Variants in SNORC observed in about 807,000 individuals in gnomAD.
SNORC encodes secondary ossification center associated regulator of chondrocyte maturation.
In SNORC, 11 loss-of-function variants were observed where a neutral mutation model predicts 9.7. That is an observed-to-expected ratio of 1.14 (90% CI 0.72 to 1.88). The LOEUF (loss-of-function observed/expected upper bound fraction) is 1.88, where lower values mean the gene tolerates loss of function less well. Ranked by LOEUF, SNORC falls within the 40% of genes most tolerant of loss-of-function variation. The probability of loss-of-function intolerance (pLI) is 0.00; values close to 1 mark genes in which losing one functional copy is unlikely to be tolerated. For missense variants in SNORC, 197 were observed against 173.1 expected, an observed-to-expected ratio of 1.14 and a Z score of -0.77; for synonymous variants, 108 against 88.7, an observed-to-expected ratio of 1.22 and a Z score of -1.22.
chr2:232,869,402 G>T (rs1690940939), upstream of SNORC, among the ~76,000 whole-genome samples: 1 of 152,166 alleles, frequency 6.6e-6, no homozygotes, highest in South Asian at 2.1e-4. Flanking sequence ...GTGAAGTAGG[G>T]GGCGCTGACA....
intron 1 of SNORC, among the ~76,000 whole-genome samples, chr2:232,874,403 A>G (rs1036757645): frequency 6.6e-6 from 1 of 152,196 alleles, no homozygotes; most frequent in African/African-American, 2.4e-5. Context: ...AACTTCACCA[A>G]CGGACCTGAG....
chr2:232,877,198 C>T, downstream of SNORC: 3 of 985,554 alleles, frequency 3.0e-6, no homozygotes, highest in Non-Finnish European at 3.6e-6. Flanking sequence ...ACCCCCAGGC[C>T]TGGCTGGGGG....
intron 1 of SNORC, among the ~76,000 whole-genome samples, chr2:232,871,408 T>C (rs2106188872): frequency 1.3e-5 from 2 of 152,280 alleles, no homozygotes; most frequent in South Asian, 4.1e-4. Context: ...TTTCTTAACC[T>C]CTCTGTGCCT....
chr2:232,875,419 T>C (rs559424105), intron 1 of SNORC: 208 of 338,380 alleles, frequency 6.1e-4, no homozygotes, highest in African/African-American at 4.5e-3. Flanking sequence ...CTGGCTGGGC[T>C]GGAGAGGCCA....
Position 232,875,926 on chromosome 2 carries a change from C to T in SNORC, c.74-14C>T, listed in dbSNP as rs576334908. The T allele has an allele frequency of 1.7e-5, 27 of 1,546,104 alleles. No homozygotes were observed. In the African/African-American group the frequency reaches 1.8e-4, roughly 10 times the overall value. On this transcript the variant is annotated splice_polypyrimidine_tract_variant and intron_variant, in intron 1 of 2. Coordinates refer to ENST00000331342, the Ensembl canonical transcript of SNORC. ...CGTCACCTGGGGCCCCAGCACCTCT[C>T]CTTGGCTTTGCAGACGATGTTCCAC...
downstream of SNORC, chr2:232,876,510 G>T (rs1422249230): frequency 4.8e-6 from 6 of 1,250,068 alleles, no homozygotes; most frequent in African/African-American, 1.6e-5. This position sits in a 1 kb window ranked among gnomAD's most constrained non-coding sequence, Gnocchi z 6.8. Context: ...CGGGGCCGAG[G>T]GTGGGTGCCG....
rs1691197620 is a variant in SNORC, at chr2:232,875,588, C to G, written c.74-352C>G. The G allele has an allele frequency of 7.2e-6, 3 of 413,998 alleles. No individual in the cohort carries two copies. In the South Asian group the frequency reaches 7.2e-5, roughly 10 times the overall value. The allele number at this position is 413,998 out of a possible 1,614,324, so 25.6% of individuals were successfully genotyped here. A position where few individuals can be genotyped will look rare whatever the true frequency, so the allele number is the denominator to read the frequency against. On this transcript the variant is annotated intron_variant, in intron 1 of 2. Coordinates refer to ENST00000331342, the Ensembl canonical transcript of SNORC. Reference sequence around the variant, plus strand: ...TACAGGGCGGGGGTTATCATGCAGGCGTCTCAGCCTGTGCTTTCTGTGGGA... The same window carrying G: ...TACAGGGCGGGGGTTATCATGCAGGGGTCTCAGCCTGTGCTTTCTGTGGGA...
At chr2:232,878,104 TCA>T (rs1256308900), downstream of SNORC, 1 of 152,266 alleles carries the variant, frequency 6.6e-6, no homozygotes. Context: ...TCTGTGATTC[TCA>T]GAGGGTCTGA....
chr2:232,876,818 C>T (rs183379468), downstream of SNORC: 1,570 of 985,488 alleles, frequency 1.6e-3, 19 homozygotes, highest in African/African-American at 0.024. This position sits in a 1 kb window ranked among gnomAD's most constrained non-coding sequence, Gnocchi z 6.8. Flanking sequence ...GGCCCCTTCT[C>T]CCGGCGCCGC....
chr2:232,869,918 C>T, upstream of SNORC: 1 of 301,610 alleles, frequency 3.3e-6, no homozygotes, highest in Non-Finnish European at 6.4e-6. Context: ...CCCTGGGCTA[C>T]CCAAGCCCCA....
intron 1 of SNORC, among the ~76,000 whole-genome samples, chr2:232,874,826 C>T (rs1691158766): frequency 6.6e-6 from 1 of 152,260 alleles, no homozygotes; most frequent in Non-Finnish European, 1.5e-5. Flanking sequence ...CACAACCGCT[C>T]CTGCAACTGT....
downstream of SNORC, chr2:232,877,033 G>A (rs1574976305): frequency 4.1e-6 from 4 of 985,634 alleles, no homozygotes; most frequent in East Asian, 1.1e-4. Flanking sequence ...AGGCCGCGTG[G>A]TTTTGGGGGA....
downstream of SNORC, chr2:232,876,607 T>G: frequency 1.8e-6 from 2 of 1,087,508 alleles, no homozygotes; most frequent in Non-Finnish European, 2.2e-6. This position sits in a 1 kb window ranked among gnomAD's most constrained non-coding sequence, Gnocchi z 6.8. Context: ...CGAGCCCGCC[T>G]GCGTGTGGCG....
At chr2:232,872,051 C>G (rs1159414977) in intron 1 of SNORC, among the ~76,000 whole-genome samples, 2 of 152,188 alleles carry the variant, frequency 1.3e-5, no homozygotes, top group Non-Finnish European at 2.9e-5. Flanking sequence ...GTAGGCAGGC[C>G]CCCCGCAGGG....
At position 232,876,080 on chromosome 2, in the gene SNORC, C is replaced by G; in HGVS notation, c.214C>G (p.Pro72Ala). ...CCCAGCCCCCACCGTCGCGCCAGGA[C>G]CCGAGGACAGCACCGCGCAGGAGCG... Residue 72 changes from proline to alanine, a missense_variant, in exon 2 of 3, where the codon CCC becomes GCC. Pro to Ala is a conservative substitution (Grantham distance 27). Transcript: ENST00000331342. The surrounding 1 kb of genome is among the most constrained non-coding windows in gnomAD (Gnocchi z 6.8). 2 of 1,531,998 alleles carry G rather than the reference C, an allele frequency of 1.3e-6. No individual in the cohort carries two copies. Among genetic ancestry groups the G allele is most frequent in the South Asian group, 1.2e-5 (1 of 83,762 alleles). 94.9% of individuals were successfully genotyped at this position (1,531,998 alleles called of 1,614,324 possible). A position where few individuals can be genotyped will look rare whatever the true frequency, so the allele number is the denominator to read the frequency against.
downstream of SNORC, chr2:232,876,916 G>T (rs1040809082): frequency 1.0e-6 from 1 of 985,360 alleles, no homozygotes; most frequent in Non-Finnish European, 1.2e-6. The surrounding 1 kb of genome is among the most constrained non-coding windows in gnomAD (Gnocchi z 6.8). Context: ...AGAGCGTTCC[G>T]TGAGGAGGTA....
chr2:232,870,188 G>T, upstream of SNORC: 1 of 683,008 alleles, frequency 1.5e-6, no homozygotes, highest in Non-Finnish European at 2.6e-6. Context: ...GGAGCGGGGG[G>T]GTGGGGAGGT....
chr2:232,875,960 G>C (rs377340430), exon 2 of SNORC: 1 of 1,553,998 alleles, frequency 6.4e-7, no homozygotes, highest in South Asian at 1.2e-5. Context: ...ACAGGAGCCC[G>C]TGCCCACGCT....
At chr2:232,875,461 T>G (rs1032299547) in intron 1 of SNORC, 5 of 413,992 alleles carry the variant, frequency 1.2e-5, no homozygotes, top group South Asian at 8.9e-5. Flanking sequence ...TGTTGAGCTT[T>G]CCAGCGTTTC....
Sources: allele counts gnomAD v4.1 joint callset (sites outside exome capture counted in the v4.1 genomes callset), GRCh38; gene constraint gnomAD v4.1.1; non-coding constraint Gnocchi (gnomAD v3.1); transcripts MANE v1.5; gene names NCBI Gene and HGNC (gene_info 2026-07-23, HGNC 2026-07-21).